GALNT1: variants seen among roughly 807,000 people sequenced by gnomAD.
The protein encoded by GALNT1 is GalNAc transferase 1.
Under a neutral mutation model 65.7 loss-of-function variants are expected in GALNT1, and 17 were observed. The ratio of observed to expected loss-of-function variants is 0.26; its 90% confidence interval spans 0.18 to 0.39. The LOEUF (loss-of-function observed/expected upper bound fraction) is 0.39, where lower values mean the gene tolerates loss of function less well. Among genes scored for constraint, GALNT1 ranks in the 10% least tolerant of loss-of-function variants. The pLI, the probability that GALNT1 is intolerant of heterozygous loss-of-function variation, is 1.00. For synonymous variants in GALNT1, 210 were observed against 219.7 expected, an observed-to-expected ratio of 0.96 and a Z score of 0.39; for missense variants, 460 against 672.8, an observed-to-expected ratio of 0.68 and a Z score of 3.50.
chr18:35,652,070 G>T (rs563128262), intron 1 of GALNT1, among the ~76,000 whole-genome samples: 55 of 150,928 alleles, frequency 3.6e-4, no homozygotes, highest in African/African-American at 1.2e-3. Flanking sequence ...AAAAAATCAA[G>T]TTCCTTACAT....
intron 1 of GALNT1, among the ~76,000 whole-genome samples, chr18:35,650,242 C>T (rs931453829): frequency 2.0e-5 from 3 of 151,956 alleles, no homozygotes; most frequent in Non-Finnish European, 4.4e-5. Context: ...GCCCCCGAGC[C>T]GTAAAACCAG....
At chr18:35,698,727 C>G (rs2144714274) in intron 9 of GALNT1, among the ~76,000 whole-genome samples, 1 of 151,424 alleles carries the variant, frequency 6.6e-6, no homozygotes, top group African/African-American at 2.4e-5. Context: ...GCCTGTAATC[C>G]CAGCACTTTG....
chr18:35,643,272 C>T (rs1417863724), intron 1 of GALNT1, among the ~76,000 whole-genome samples: 1 of 152,074 alleles, frequency 6.6e-6, no homozygotes. Context: ...AGACATGGCA[C>T]TGAGACATGG....
intron 1 of GALNT1, among the ~76,000 whole-genome samples, chr18:35,587,318 C>A (rs2046389023): frequency 6.6e-6 from 1 of 152,150 alleles, no homozygotes; most frequent in Non-Finnish European, 1.5e-5. Flanking sequence ...TTATTCTTTT[C>A]CTTTTTAATC....
At chr18:35,619,975 A>G (rs12958143) in intron 1 of GALNT1, among the ~76,000 whole-genome samples, 15,840 of 152,164 alleles carry the variant, frequency 0.1, 912 homozygotes, top group Admixed American at 0.18. Context: ...TTATTTTTCT[A>G]TTTTGACCGA....
chr18:35,626,396 C>G (rs2046917492), intron 1 of GALNT1, among the ~76,000 whole-genome samples: 1 of 152,136 alleles, frequency 6.6e-6, no homozygotes, highest in South Asian at 2.1e-4. Context: ...AGGTCATATA[C>G]TAGGTTCTAG....
In GALNT1 at chr18:35,687,165, G is replaced by A; in HGVS notation, c.839G>A (p.Gly280Asp). ...CAAAGAGAAATGGACAGAAGGAAAG[G>A]TGATCGGACTCTTCCTGTCAGGTAA... ...VPQREMDRRK[G>D]DRTLPVRTPT... Residue 280 changes from glycine (G) to aspartate (D), a missense_variant, in exon 6 of 12, where the codon GGT becomes GAT. By Grantham distance (94) the Gly-to-Asp change is moderately conservative. Transcript: ENST00000269195. The A allele has an allele frequency of 6.2e-7, 1 of 1,613,506 alleles. No individual in the cohort carries two copies.
At chr18:35,670,921 G>A (rs557380412) in intron 3 of GALNT1, among the ~76,000 whole-genome samples, 28 of 152,188 alleles carry the variant, frequency 1.8e-4, no homozygotes, top group Admixed American at 1.4e-3. Flanking sequence ...TATAATTCAA[G>A]ACAAAACTGA....
At chr18:35,620,333 G>A (rs1319635778) in intron 1 of GALNT1, among the ~76,000 whole-genome samples, 1 of 152,152 alleles carries the variant, frequency 6.6e-6, no homozygotes, top group Non-Finnish European at 1.5e-5. Flanking sequence ...ACTGATTTCT[G>A]ATATTGGCCA....
At chr18:35,626,391 A>T (rs892077901) in intron 1 of GALNT1, among the ~76,000 whole-genome samples, 1 of 152,210 alleles carries the variant, frequency 6.6e-6, no homozygotes, top group Admixed American at 6.5e-5. Context: ...TGAGCAGGTC[A>T]TATACTAGGT....
chr18:35,626,706 G>A (rs780180561), intron 1 of GALNT1, among the ~76,000 whole-genome samples: 6 of 152,130 alleles, frequency 3.9e-5, no homozygotes, highest in South Asian at 4.1e-4. Context: ...AGGGTCCTGC[G>A]TGCTCTCCAT....
intron 1 of GALNT1, among the ~76,000 whole-genome samples, chr18:35,636,733 A>G (rs976304834): frequency 1.3e-5 from 2 of 149,026 alleles, no homozygotes; most frequent in African/African-American, 4.9e-5. Context: ...AAATACAGGC[A>G]TGTCCATGTT....
At chr18:35,589,990 G>C (rs932058600) in intron 1 of GALNT1, among the ~76,000 whole-genome samples, 2 of 152,208 alleles carry the variant, frequency 1.3e-5, no homozygotes, top group African/African-American at 2.4e-5. Context: ...GTGAGTGCCA[G>C]TTTGCCATCT....
In GALNT1 at chr18:35,689,184, T is replaced by C. The variant is rs2047916172; in HGVS notation, c.872T>C (p.Met291Thr). The change falls in exon 7 of 12, where the codon ATG becomes ACG. Residue 291 changes from methionine to threonine, a missense_variant. Coordinates refer to ENST00000269195, the MANE Select transcript of GALNT1 (RefSeq NM_020474.4). Reference protein sequence around the residue: ...DRTLPVRTPTMAGGLFSIDRD... With the variant: ...DRTLPVRTPTTAGGLFSIDRD... The stretch of plus-strand genomic sequence containing the variant: ...TTATTGAATTTCAGGACACCTACCA[T>C]GGCAGGAGGCCTTTTTTCAATAGAC... 1 of 1,605,442 alleles carries C rather than the reference T, an allele frequency of 6.2e-7. No individual in the cohort carries two copies. The highest frequency in any genetic ancestry group is 8.5e-7 in the Non-Finnish European group (1 of 1,172,540).
At chr18:35,645,424 G>A (rs1022363759) in intron 1 of GALNT1, among the ~76,000 whole-genome samples, 3 of 151,682 alleles carry the variant, frequency 2.0e-5, no homozygotes, top group Non-Finnish European at 2.9e-5. Flanking sequence ...TAGTAGAGAC[G>A]GGGTTTCACC....
intron 1 of GALNT1, among the ~76,000 whole-genome samples, chr18:35,607,712 T>G (rs598674): frequency 0.59 from 88,922 of 151,704 alleles, 26,425 homozygotes; most frequent in Middle Eastern, 0.69. Context: ...TATCATATTG[T>G]CATTCCACGC....
intron 1 of GALNT1, among the ~76,000 whole-genome samples, chr18:35,649,109 A>T (rs2047276183): frequency 6.6e-6 from 1 of 152,178 alleles, no homozygotes; most frequent in Non-Finnish European, 1.5e-5. Flanking sequence ...TAGGAACGGG[A>T]TTACAGATTC....
intron 1 of GALNT1, among the ~76,000 whole-genome samples, chr18:35,625,976 G>A (rs747108105): frequency 3.3e-5 from 5 of 152,008 alleles, no homozygotes; most frequent in Non-Finnish European, 5.9e-5. Flanking sequence ...CTTTACTCCT[G>A]TCTCCCAATT....
intron 1 of GALNT1, among the ~76,000 whole-genome samples, chr18:35,634,821 C>T (rs2047068175): frequency 6.6e-6 from 1 of 152,172 alleles, no homozygotes; most frequent in Non-Finnish European, 1.5e-5. Context: ...GAACTGTTCA[C>T]CATTAAAGTT....
Sources: gnomAD v4.1 joint callset for allele counts (sites outside exome capture counted in the v4.1 genomes callset) on GRCh38, gnomAD v4.1.1 for gene constraint, MANE v1.5 for transcripts, NCBI Gene and HGNC (gene_info 2026-07-23, HGNC 2026-07-21) for gene names.